TSHR: variants seen among roughly 807,000 people sequenced by gnomAD.
TSHR encodes thyroid stimulating hormone receptor, also known as thyrotropin receptor.
Under a neutral mutation model 64.1 loss-of-function variants are expected in TSHR, and 51 were observed. The ratio of observed to expected loss-of-function variants is 0.80; its 90% CI spans 0.64 to 1.01. TSHR has a LOEUF of 1.01. Among genes scored for constraint, TSHR ranks in the 50% least tolerant of loss-of-function variants. The pLI is 0.00. For missense variants in TSHR, 877 were observed against 942.8 expected, an observed-to-expected ratio of 0.93 and a Z score of 0.91; for synonymous variants, 361 against 361.9, an observed-to-expected ratio of 1.00 and a Z score of 0.03.
Position 81,103,760 on chromosome 14 carries a change from C to T in TSHR, c.615-4615C>T. 1.0e-6 allele frequency: 1 copy of T among 985,462 alleles called. No individual in the cohort carries two copies. Among genetic ancestry groups the T allele is most frequent in the Non-Finnish European group, 1.2e-6 (1 of 829,936 alleles). 61.0% of individuals were successfully genotyped at this position (985,462 alleles called of 1,614,324 possible). A position where few individuals can be genotyped will look rare whatever the true frequency, so the allele number is the denominator to read the frequency against. Reference sequence around the variant, plus strand: ...TCATTGTTTGGAATTTCTTTTCCATCCTCTTTCCACGCAATCTGCGTGGGG... The same window carrying T: ...TCATTGTTTGGAATTTCTTTTCCATTCTCTTTCCACGCAATCTGCGTGGGG... On this transcript the variant is annotated intron_variant, in intron 7 of 9. Coordinates refer to ENST00000298171, the MANE Select transcript of TSHR (RefSeq NM_000369.5). This position sits in a 1 kb window ranked among gnomAD's most constrained non-coding sequence, Gnocchi z 4.1.
At chr14:80,997,191 A>G (rs565030873) in intron 1 of TSHR, among the ~76,000 whole-genome samples, 14 of 152,354 alleles carry the variant, frequency 9.2e-5, no homozygotes, top group African/African-American at 3.4e-4. Context: ...GGAAACTGGA[A>G]GAAGGTGTCT....
At chr14:81,057,582 T>G (rs985784142) in intron 1 of TSHR, among the ~76,000 whole-genome samples, 1 of 152,218 alleles carries the variant, frequency 6.6e-6, no homozygotes, top group Non-Finnish European at 1.5e-5. Flanking sequence ...CTACTATGAA[T>G]ACTTTCTATA....
Position 80,983,526 on chromosome 14 carries a change from A to G in TSHR, c.170+27676A>G, listed in dbSNP as rs1253512929. The G allele has an allele frequency of 1.2e-5, 16 of 1,338,140 alleles. No individual in the cohort carries two copies. The East Asian group carries it at 3.2e-4, about 27-fold the overall frequency. 82.9% of individuals were successfully genotyped at this position (1,338,140 alleles called of 1,614,324 possible). A position where few individuals can be genotyped will look rare whatever the true frequency, so the allele number is the denominator to read the frequency against. ...TCTTGTTAGTGGTGTGGCCATATTT[A>G]TTAACATAAAGGAGCATATCAGAAA... On this transcript the variant is annotated intron_variant, in intron 1 of 9. Transcript: ENST00000298171.
chr14:81,120,835 G>C (rs951896114), intron 8 of TSHR, among the ~76,000 whole-genome samples: 1 of 152,092 alleles, frequency 6.6e-6, no homozygotes, highest in Non-Finnish European at 1.5e-5. Context: ...TATCCTCAGA[G>C]AGACAATGTT....
intron 1 of TSHR, among the ~76,000 whole-genome samples, chr14:81,018,083 G>A (rs1419379405): frequency 2.0e-5 from 3 of 151,852 alleles, no homozygotes; most frequent in Admixed American, 1.3e-4. Flanking sequence ...CACCTACCTC[G>A]GCATCCCAAA....
intron 1 of TSHR, chr14:80,995,526 A>G (rs1418866491): frequency 6.6e-6 from 1 of 152,216 alleles, no homozygotes; most frequent in East Asian, 1.9e-4. Context: ...TGTTCTTTGC[A>G]GGGACATGGA....
In TSHR at chr14:81,138,535, A is replaced by T. The variant is rs570703083; in HGVS notation, c.693-1144A>T. Among the ~76,000 whole-genome samples the T allele has an allele frequency of 7.2e-4, 109 of 152,220 alleles. 1 individual carries two copies. Among genetic ancestry groups the T allele is most frequent in the African/African-American group, 2.5e-3 (103 of 41,540 alleles). On this transcript the variant is annotated intron_variant, in intron 8 of 9. Transcript: ENST00000298171. ...AGCAGACCAGTTTGGAAAATGCTAG[A>T]TTATATATTTTTTTAATTAAATACA...
intron 3 of TSHR, among the ~76,000 whole-genome samples, chr14:81,071,341 T>G (rs7161244): frequency 0.29 from 44,076 of 152,140 alleles, 10,759 homozygotes; most frequent in African/African-American, 0.68. Flanking sequence ...TAAGTTACAA[T>G]AGAATATCTT....
In TSHR at chr14:81,143,288, C is replaced by T; in HGVS notation, c.1230C>T (p.Asp410=). 1.2e-6 allele frequency: 2 copies of T among 1,614,186 alleles called. No individual in the cohort carries two copies. Among genetic ancestry groups the T allele is most frequent in the Non-Finnish European group, 1.7e-6 (2 of 1,180,050 alleles). ...PKSDEFNPCE[D]IMGYKFLRIV... ...CCGATGAGTTCAACCCGTGTGAAGA[C>T]ATAATGGGCTACAAGTTCCTGAGAA... The change falls in exon 10 of 10, where the codon GAC becomes GAT. Residue 410 remains aspartate (D), a synonymous_variant. Coordinates refer to ENST00000298171, the MANE Select transcript of TSHR (RefSeq NM_000369.5).
intron 1 of TSHR, among the ~76,000 whole-genome samples, chr14:81,046,363 A>G (rs1885166630): frequency 6.6e-6 from 1 of 152,176 alleles, no homozygotes; most frequent in African/African-American, 2.4e-5. Context: ...AAGACCTGAA[A>G]GGAACTTCTA....
intron 8 of TSHR, chr14:81,108,788 G>A (rs1024929612): frequency 6.3e-7 from 1 of 1,586,322 alleles, no homozygotes; most frequent in Non-Finnish European, 8.5e-7. Flanking sequence ...CTAGATGGAA[G>A]GCACTCTAGT....
At chr14:81,118,773 A>G (rs1027738357) in intron 8 of TSHR, among the ~76,000 whole-genome samples, 2 of 152,080 alleles carry the variant, frequency 1.3e-5, no homozygotes, top group African/African-American at 4.8e-5. Flanking sequence ...CCTGATTTCA[A>G]ACTATACTAC....
At chr14:80,967,283 A>AG (rs1491461256) in intron 1 of TSHR, among the ~76,000 whole-genome samples, 2 of 111,884 alleles carry the variant, frequency 1.8e-5, no homozygotes, top group African/African-American at 6.3e-5. Context: ...CCTGACTTAC[A>AG]TTTTTTTTTT....
chr14:81,050,099 G>T (rs1350686628), intron 1 of TSHR: 4 of 152,084 alleles, frequency 2.6e-5, no homozygotes, highest in African/African-American at 9.7e-5. Context: ...ACATACAATG[G>T]ATCATAATAA....
At chr14:81,095,836 C>T (rs1889135490) in intron 6 of TSHR, among the ~76,000 whole-genome samples, 1 of 151,970 alleles carries the variant, frequency 6.6e-6, no homozygotes, top group Non-Finnish European at 1.5e-5. Flanking sequence ...ATCACTTGAG[C>T]CCAGACTAGC....
intron 8 of TSHR, among the ~76,000 whole-genome samples, chr14:81,120,813 A>C (rs1318552493): frequency 5.3e-5 from 8 of 152,236 alleles, no homozygotes; most frequent in African/African-American, 1.7e-4. Flanking sequence ...CTTTCATGAA[A>C]GTTATAACAA....
chr14:81,143,679 A>G lies in TSHR; in HGVS notation c.1621A>G (p.Ile541Val), dbSNP rs747680932. Residue 541 changes from isoleucine to valine, a missense_variant, in exon 10 of 10, where the codon ATC becomes GTC. Physicochemically the swap from Ile to Val is conservative, Grantham distance 29. Coordinates refer to ENST00000298171, the MANE Select transcript of TSHR (RefSeq NM_000369.5). ...GATCCGCCTCAGGCACGCATGTGCC[A>G]TCATGGTTGGGGGCTGGGTTTGCTG... ...RKIRLRHACA[I>V]MVGGWVCCFL... The G allele has an allele frequency of 9.5e-5, 153 of 1,614,078 alleles. No homozygotes were observed. The highest frequency in any genetic ancestry group is 3.0e-4 in the Admixed American group (18 of 60,008).
At chr14:81,125,081 T>C (rs1400707432) in intron 8 of TSHR, among the ~76,000 whole-genome samples, 1 of 152,116 alleles carries the variant, frequency 6.6e-6, no homozygotes, top group African/African-American at 2.4e-5. Flanking sequence ...ACAGTCAAAT[T>C]TAGGAGAAAT....
chr14:80,985,607 G>A (rs1469734476), intron 1 of TSHR, among the ~76,000 whole-genome samples: 2 of 152,178 alleles, frequency 1.3e-5, no homozygotes, highest in Non-Finnish European at 2.9e-5. Context: ...CTCATGGTGG[G>A]AATTGTAATC....
Sources: allele counts gnomAD v4.1 joint callset (sites outside exome capture counted in the v4.1 genomes callset), GRCh38; gene constraint gnomAD v4.1.1; non-coding constraint Gnocchi (gnomAD v3.1); transcripts MANE v1.5; gene names NCBI Gene and HGNC (gene_info 2026-07-23, HGNC 2026-07-21).